The following PCCA variants were observed in gnomAD, a reference collection of about 807,000 sequenced individuals.
PCCA encodes propionyl-CoA carboxylase subunit alpha, also known as propionyl-CoA carboxylase alpha chain, mitochondrial.
A neutral mutation model predicts 101.3 loss-of-function variants in PCCA; 74 were observed. The observed-to-expected ratio is 0.73, with a 90% CI of 0.61 to 0.89. The LOEUF (loss-of-function observed/expected upper bound fraction) is 0.89, where lower values mean the gene tolerates loss of function less well. Ranked by LOEUF, PCCA falls within the 40% of genes least tolerant of loss-of-function variation. PCCA has a pLI of 0.00. For missense variants in PCCA, 891 were observed against 907.0 expected, an observed-to-expected ratio of 0.98 and a Z score of 0.23; for synonymous variants, 294 against 313.6, an observed-to-expected ratio of 0.94 and a Z score of 0.66.
intron 20 of PCCA, among the ~76,000 whole-genome samples, chr13:100,444,860 T>G (rs1393366710): frequency 1.4e-5 from 1 of 72,364 alleles, no homozygotes; most frequent in Non-Finnish European, 2.4e-5. Context: ...TTCCTGCTCA[T>G]TTTTAAAATT....
chr13:100,315,340 C>G (rs2067250888), intron 16 of PCCA, among the ~76,000 whole-genome samples: 1 of 151,276 alleles, frequency 6.6e-6, no homozygotes, highest in East Asian at 1.9e-4. Context: ...GCAAGAACCC[C>G]CACTCTCCAC....
chr13:100,265,469 A>G (rs549823069), intron 10 of PCCA, among the ~76,000 whole-genome samples: 1 of 152,232 alleles, frequency 6.6e-6, no homozygotes, highest in South Asian at 2.1e-4. Flanking sequence ...ATCTAAATGT[A>G]TTGTTTTTCT....
At chr13:100,229,769 C>T (rs554877264) in intron 7 of PCCA, among the ~76,000 whole-genome samples, 156 of 152,300 alleles carry the variant, frequency 1.0e-3, no homozygotes, top group Non-Finnish European at 1.7e-3. Flanking sequence ...AATGTACTCT[C>T]GTGGCAAAAC....
At chr13:100,454,790 A>G (rs2081588860) in intron 21 of PCCA, among the ~76,000 whole-genome samples, 1 of 152,224 alleles carries the variant, frequency 6.6e-6, no homozygotes, top group South Asian at 2.1e-4. Flanking sequence ...GAAAATACAA[A>G]CTTAAAAATA....
intron 12 of PCCA, among the ~76,000 whole-genome samples, chr13:100,276,957 G>C (rs1473515897): frequency 2.0e-5 from 3 of 152,044 alleles, no homozygotes; most frequent in African/African-American, 7.2e-5. Flanking sequence ...TTATTATACT[G>C]TCATATACAG....
chr13:100,468,976 C>T (rs934793537), intron 21 of PCCA, among the ~76,000 whole-genome samples: 2 of 152,032 alleles, frequency 1.3e-5, no homozygotes, highest in African/African-American at 4.8e-5. Flanking sequence ...CTTTGGGAGG[C>T]TGAGGCGGGT....
intron 21 of PCCA, among the ~76,000 whole-genome samples, chr13:100,502,213 G>A (rs191442122): frequency 1.3e-3 from 201 of 152,222 alleles, no homozygotes; most frequent in African/African-American, 4.2e-3. Context: ...AATCCATCTC[G>A]TTCAGAGTGA....
chr13:100,195,496 G>C (rs949502356), intron 6 of PCCA, among the ~76,000 whole-genome samples: 1 of 152,104 alleles, frequency 6.6e-6, no homozygotes, highest in African/African-American at 2.4e-5. Flanking sequence ...CCTTAAAGGA[G>C]GGAGGCTAAA....
intron 21 of PCCA, among the ~76,000 whole-genome samples, chr13:100,510,991 G>T (rs1294275713): frequency 7.2e-5 from 11 of 152,222 alleles, no homozygotes; most frequent in Non-Finnish European, 1.5e-4. Context: ...GTGTCTTGGA[G>T]ATTTGTGGTG....
At chr13:100,203,788 G>A (rs534164889) in intron 6 of PCCA, among the ~76,000 whole-genome samples, 26 of 152,314 alleles carry the variant, frequency 1.7e-4, no homozygotes, top group Non-Finnish European at 2.6e-4. Flanking sequence ...AAAGAGCCAT[G>A]TATTTTAAAA....
At chr13:100,389,819 G>A (rs931606284) in intron 19 of PCCA, among the ~76,000 whole-genome samples, 59 of 152,260 alleles carry the variant, frequency 3.9e-4, no homozygotes, top group African/African-American at 1.3e-3. Flanking sequence ...GGAAGCAGCT[G>A]GGACCCGGCC....
chr13:100,268,026 G>A (rs563522569), intron 10 of PCCA, among the ~76,000 whole-genome samples: 1 of 152,116 alleles, frequency 6.6e-6, no homozygotes, highest in Non-Finnish European at 1.5e-5. Flanking sequence ...ATACCTGCTG[G>A]TTGGGTATCC....
intron 22 of PCCA, among the ~76,000 whole-genome samples, chr13:100,525,351 C>T (rs946579334): frequency 2.0e-5 from 3 of 152,182 alleles, no homozygotes; most frequent in African/African-American, 7.2e-5. Flanking sequence ...ACTGGGGACC[C>T]AGCACTTGCA....
chr13:100,403,869 C>G (rs1008308598), intron 19 of PCCA, among the ~76,000 whole-genome samples: 3 of 152,164 alleles, frequency 2.0e-5, no homozygotes, highest in Non-Finnish European at 4.4e-5. Context: ...CCTGAGGCCC[C>G]ACCCCAGTGC....
chr13:100,288,087 T>A (rs548468928), intron 12 of PCCA, among the ~76,000 whole-genome samples: 74 of 152,202 alleles, frequency 4.9e-4, no homozygotes, highest in Non-Finnish European at 8.5e-4. Flanking sequence ...ATCTGTTTGA[T>A]TAAGAAAGAG....
intron 7 of PCCA, among the ~76,000 whole-genome samples, chr13:100,215,307 C>T (rs1286736968): frequency 6.6e-6 from 1 of 152,180 alleles, no homozygotes; most frequent in African/African-American, 2.4e-5. Flanking sequence ...TTGTCTGACA[C>T]TGTTTGAAGT....
chr13:100,286,723 G>A (rs548216657), intron 12 of PCCA, among the ~76,000 whole-genome samples: 5 of 151,588 alleles, frequency 3.3e-5, no homozygotes, highest in African/African-American at 1.2e-4. Context: ...GGATAAGGTG[G>A]AGGATAGTTA....
At chr13:100,466,843 G>C (rs553774457) in intron 21 of PCCA, among the ~76,000 whole-genome samples, 1 of 151,500 alleles carries the variant, frequency 6.6e-6, no homozygotes, top group Non-Finnish European at 1.5e-5. Context: ...GGGCGATAGA[G>C]GGACAGTCCG....
intron 12 of PCCA, among the ~76,000 whole-genome samples, chr13:100,289,325 T>C (rs1384404760): frequency 1.3e-5 from 2 of 152,158 alleles, no homozygotes; most frequent in Non-Finnish European, 2.9e-5. Context: ...TGTGTATGTG[T>C]ATTTGTATAG....
Sources: allele counts gnomAD v4.1 joint callset (sites outside exome capture counted in the v4.1 genomes callset), GRCh38; gene constraint gnomAD v4.1.1; transcripts MANE v1.5; gene names NCBI Gene and HGNC (gene_info 2026-07-23, HGNC 2026-07-21).